The following SPAG1 variants were observed in gnomAD, a reference collection of about 807,000 sequenced individuals.
SPAG1 encodes sperm associated antigen 1.
A neutral mutation model predicts 100.5 loss-of-function variants in SPAG1; 69 were observed. That is an observed-to-expected ratio of 0.69 (90% CI 0.57 to 0.84). The LOEUF (loss-of-function observed/expected upper bound fraction) is 0.84. Among genes scored for constraint, SPAG1 ranks in the 40% least tolerant of loss-of-function variants. The pLI, the probability that SPAG1 is intolerant of heterozygous loss-of-function variation, is 0.00. For missense variants in SPAG1, 955 were observed against 1,133.1 expected (o/e 0.84, Z 2.26); for synonymous variants, 336 against 411.6 (o/e 0.82, Z 2.22).
At chr8:100,183,327 T>C in intron 4 of SPAG1, 48 bp from the exon 5 acceptor site, 1 of 865,946 alleles carries the variant, frequency 1.2e-6, no homozygotes, top group African/African-American at 1.7e-5. Flanking sequence ...TAAAACCTGA[T>C]AATCTTATAT....
rs1816512581 is a variant in SPAG1, at chr8:100,184,700, GA to G, written c.669del (p.Asp224IlefsTer6). 3 of 1,588,728 alleles carry G rather than the reference GA, an allele frequency of 1.9e-6. No homozygotes were observed. In the African/African-American group the frequency reaches 4.1e-5, roughly 22 times the overall value. On this transcript the variant is annotated frameshift_variant, in exon 7 of 19. Transcript: ENST00000388798. LOFTEE classifies it high-confidence loss of function. ...KEKGNEAFNSGDYEEAVMYYT... is the reference protein window; with the variant it reads ...KEKGNEAFNSXDYEEAVMYYT... ...AAAGGAAATGAAGCTTTCAACTCAG[GA>G]GATTATGAAGAAGCAGTGATGTATT...
intron 3 of SPAG1, among the ~76,000 whole-genome samples, chr8:100,175,259 A>G (rs562880865): frequency 2.0e-5 from 3 of 149,034 alleles, no homozygotes; most frequent in East Asian, 2.0e-4. Flanking sequence ...AATCCTTTCC[A>G]TAGAGAAGGG....
chr8:100,205,765 C>G (rs1483205956), intron 10 of SPAG1, among the ~76,000 whole-genome samples: 1 of 151,884 alleles, frequency 6.6e-6, no homozygotes, highest in African/African-American at 2.4e-5. Flanking sequence ...GCCTGTAATC[C>G]CAGCACTTTG....
intron 10 of SPAG1, among the ~76,000 whole-genome samples, chr8:100,209,816 A>G (rs1260353427): frequency 6.9e-6 from 1 of 145,812 alleles, no homozygotes; most frequent in African/African-American, 2.6e-5. Context: ...AGAAACACTG[A>G]TTTTGGCTTG....
intron 8 of SPAG1, among the ~76,000 whole-genome samples, chr8:100,188,009 C>T (rs963266623): frequency 2.0e-5 from 3 of 152,168 alleles, no homozygotes; most frequent in South Asian, 2.1e-4. Flanking sequence ...TGCACCACCA[C>T]GCCTGACTAA....
chr8:100,213,413 C>A lies in SPAG1; in HGVS notation c.1420C>A (p.Leu474Ile). 1.4e-6 allele frequency: 2 copies of A among 1,426,068 alleles called. No homozygotes were observed. Among genetic ancestry groups the A allele is most frequent in the South Asian group, 2.9e-5 (2 of 69,226 alleles). The allele number at this position is 1,426,068 out of a possible 1,614,324, so 88.3% of individuals were successfully genotyped here. Residue 474 changes from leucine (L) to isoleucine (I), a missense_variant, in exon 11 of 19, where the codon CTC (leucine) becomes ATC (isoleucine). By Grantham distance (5) the Leu-to-Ile change is conservative. Transcript: ENST00000388798. ...AAGKYSAAIA[L>I]LEPAGSEIAD... The stretch of plus-strand genomic sequence containing the variant: ...CGGCAAGTACTCGGCGGCAATCGCG[C>A]TCCTGGAGCCAGCAGGTAGGTGCGC...
intron 16 of SPAG1, among the ~76,000 whole-genome samples, chr8:100,234,688 A>G (rs921697830): frequency 8.5e-5 from 13 of 152,348 alleles, no homozygotes; most frequent in Admixed American, 5.2e-4. Flanking sequence ...TGTTAGGAAT[A>G]AGGCTGCTGT....
intron 3 of SPAG1, 27 bp downstream of exon 3, chr8:100,166,000 G>A: frequency 6.4e-7 from 1 of 1,569,090 alleles, no homozygotes; most frequent in Non-Finnish European, 8.7e-7. Context: ...ATTTTCCATA[G>A]ATATTGTTGA....
At chr8:100,170,653 T>C (rs1815775065) in intron 3 of SPAG1, among the ~76,000 whole-genome samples, 1 of 152,146 alleles carries the variant, frequency 6.6e-6, no homozygotes, top group Non-Finnish European at 1.5e-5. Flanking sequence ...ATTTATCTAA[T>C]TGCTTTTTCA....
chr8:100,240,864 G>GTTTTTTTTTTTTTTTTTT, intron 18 of SPAG1, 27 bp from the exon 19 acceptor site: 1 of 1,388,406 alleles, frequency 7.2e-7, no homozygotes, highest in East Asian at 2.5e-5. Context: ...TTGGTTTTTT[G>GTTTTTTTTTTTTTTTTTT]TTTTTTTTTT....
At chr8:100,168,166 A>G (rs1816450659) in intron 3 of SPAG1, among the ~76,000 whole-genome samples, 1 of 152,192 alleles carries the variant, frequency 6.6e-6, no homozygotes, top group South Asian at 2.1e-4. Flanking sequence ...ACCATTGTGC[A>G]ATCCTGACAG....
At chr8:100,190,312 CA>C (rs551371158) in intron 8 of SPAG1, among the ~76,000 whole-genome samples, 7,438 of 74,064 alleles carry the variant, frequency 0.1, 494 homozygotes, top group African/African-American at 0.28. Flanking sequence ...GACTCTGTCT[CA>C]AAAAAAAAAA....
chr8:100,162,961 AT>A (rs1185127081), intron 2 of SPAG1, among the ~76,000 whole-genome samples: 1 of 151,724 alleles, frequency 6.6e-6, no homozygotes, highest in African/African-American at 2.4e-5. Flanking sequence ...AAATAAAAAA[AT>A]AAAAAATAAT....
At chr8:100,169,808 T>G (rs1815737255) in intron 3 of SPAG1, among the ~76,000 whole-genome samples, 1 of 152,146 alleles carries the variant, frequency 6.6e-6, no homozygotes, top group Non-Finnish European at 1.5e-5. Context: ...ATTATTTTAT[T>G]TTTTATATTT....
chr8:100,193,818 G>T (rs1263345896), intron 9 of SPAG1, among the ~76,000 whole-genome samples: 1 of 152,110 alleles, frequency 6.6e-6, no homozygotes, highest in Non-Finnish European at 1.5e-5. Flanking sequence ...ATCTCTGTGG[G>T]TATATATGCA....
chr8:100,237,676 G>A (rs745751517), intron 16 of SPAG1, among the ~76,000 whole-genome samples: 6 of 151,996 alleles, frequency 3.9e-5, no homozygotes, highest in Non-Finnish European at 7.4e-5. Context: ...AATGAGCCTC[G>A]CCCCCTCTTA....
At chr8:100,229,710 T>C (rs1011961522) in intron 14 of SPAG1, among the ~76,000 whole-genome samples, 3 of 152,222 alleles carry the variant, frequency 2.0e-5, no homozygotes, top group South Asian at 2.1e-4. Context: ...GTATCAGCCA[T>C]GTTCACTGCA....
chr8:100,236,470 A>G (rs1169366234), intron 16 of SPAG1, among the ~76,000 whole-genome samples: 2 of 152,122 alleles, frequency 1.3e-5, no homozygotes, highest in African/African-American at 2.4e-5. Context: ...AAAGGCTACA[A>G]CTGCTTATAG....
Position 100,240,732 on chromosome 8 carries a change from T to A in SPAG1, c.2610T>A (p.Tyr870Ter). The change falls in exon 18 of 19, where the codon TAT (tyrosine) becomes TAA (stop). Residue 870 changes from tyrosine to a stop codon, truncating the protein, a stop_gained. Coordinates refer to ENST00000388798, the MANE Select transcript of SPAG1 (RefSeq NM_003114.5). LOFTEE classifies it high-confidence loss of function. Reference sequence around the variant, plus strand: ...TTGAAAAAGATCCCTCATTGGTGTATCAGCATCTTTTATACCTGAGTAAAG... The same window carrying A: ...TTGAAAAAGATCCCTCATTGGTGTAACAGCATCTTTTATACCTGAGTAAAG... ...NLIEKDPSLV[Y>*]QHLLYLSKAE... is the part of the protein sequence containing the mutation. 6.2e-7 allele frequency: 1 copy of A among 1,612,262 alleles called. No homozygotes were observed. The highest frequency in any genetic ancestry group is 1.1e-5 in the South Asian group (1 of 90,634).
Sources: allele counts gnomAD v4.1 joint callset (sites outside exome capture counted in the v4.1 genomes callset), GRCh38; gene constraint gnomAD v4.1.1; transcripts MANE v1.5; gene names NCBI Gene and HGNC (gene_info 2026-07-23, HGNC 2026-07-21).